The following FGD4 variants were observed in gnomAD, a reference collection of about 807,000 sequenced individuals.
FGD4 encodes the protein FYVE, RhoGEF and PH domain containing 4.
FGD4 carries 42 observed loss-of-function variants against 102.0 expected under a neutral mutation model. That is an observed-to-expected ratio of 0.41 (90% CI 0.32 to 0.53). The LOEUF (loss-of-function observed/expected upper bound fraction) is 0.53. FGD4 is among the 20% of genes least tolerant of loss of function. The pLI is 0.21. For synonymous variants in FGD4, 380 were observed against 375.7 expected (o/e 1.01, Z -0.13); for missense variants, 902 against 1,078.2 (o/e 0.84, Z 2.29).
rs1402094596 is a variant in FGD4, at chr12:32,544,688, C to T, written c.167-19449C>T. Among the ~76,000 whole-genome samples, 2 of 151,196 alleles carry T rather than the reference C, an allele frequency of 1.3e-5. No individual in the cohort carries two copies. The highest frequency in any genetic ancestry group is 4.9e-5 in the African/African-American group (2 of 41,068). ...TGGAGGTTGCAGTGAGTTGAGATCG[C>T]ACCATTGCACTCCAGCCTGGTGACA... On this transcript the variant is annotated intron_variant, in intron 1 of 16. Transcript: ENST00000534526. This position sits in a 1 kb window ranked among gnomAD's most constrained non-coding sequence, Gnocchi z 4.1.
At chr12:32,445,170 A>G (rs773780511) in intron 1 of FGD4, among the ~76,000 whole-genome samples, 1 of 152,232 alleles carries the variant, frequency 6.6e-6, no homozygotes, top group African/African-American at 2.4e-5. Flanking sequence ...TCTTGCCTTC[A>G]TAAGATTTGC....
chr12:32,639,730 C>G (rs1162833848), intron 16 of FGD4, among the ~76,000 whole-genome samples: 1 of 152,110 alleles, frequency 6.6e-6, no homozygotes, highest in African/African-American at 2.4e-5. Flanking sequence ...TGCATTTACT[C>G]TGAAATATAA....
intron 1 of FGD4, among the ~76,000 whole-genome samples, chr12:32,550,584 T>C (rs34759311): frequency 0.13 from 18,527 of 143,812 alleles, 1,600 homozygotes; most frequent in African/African-American, 0.25. Context: ...AGTGAGAGGA[T>C]CACTTGAGCC....
rs1027071901 is a variant in FGD4, at chr12:32,480,635, G to T, written c.166+80676G>T. On this transcript the variant is annotated intron_variant, in intron 1 of 16. Transcript: ENST00000534526. ...CCTGCCTCAGCCTTCCGAGTAGCTG[G>T]GATTACAGGCACGCACCACCATGGC... 2.0e-5 allele frequency among the ~76,000 whole-genome samples: 3 copies of T among 151,030 alleles called. No homozygotes were observed. The East Asian group carries it at 5.9e-4, about 30-fold the overall frequency.
chr12:32,497,448 T>C lies in FGD4; in HGVS notation c.167-66689T>C, dbSNP rs1038039517. The stretch of plus-strand genomic sequence containing the variant: ...AAAATTATTGGTAATATATAGAAAA[T>C]ATCTAAGGAGATACCACCTCTTTAT... On this transcript the variant is annotated intron_variant, in intron 1 of 16. Transcript: ENST00000534526. Among the ~76,000 whole-genome samples, 16 of 152,156 alleles carry C rather than the reference T, an allele frequency of 1.1e-4. No homozygotes were observed. The South Asian group carries it at 1.9e-3, about 18-fold the overall frequency.
chr12:32,483,215 T>G (rs1192660668), intron 1 of FGD4, among the ~76,000 whole-genome samples: 1 of 152,170 alleles, frequency 6.6e-6, no homozygotes, highest in Non-Finnish European at 1.5e-5. Context: ...CAAGCATGTG[T>G]GAGTAAATTG....
At chr12:32,490,220 C>T (rs988292746) in intron 1 of FGD4, among the ~76,000 whole-genome samples, 2 of 152,040 alleles carry the variant, frequency 1.3e-5, no homozygotes, top group African/African-American at 2.4e-5. Context: ...CTTTGTAATT[C>T]TACAGTTTTG....
At chr12:32,546,768 G>A (rs1400534285) in intron 1 of FGD4, among the ~76,000 whole-genome samples, 2 of 152,186 alleles carry the variant, frequency 1.3e-5, no homozygotes, top group African/African-American at 2.4e-5. Context: ...GCCTCGATTT[G>A]AGAAGCAAAT....
intron 1 of FGD4, among the ~76,000 whole-genome samples, chr12:32,489,442 T>C (rs1487128938): frequency 1.3e-5 from 2 of 152,258 alleles, no homozygotes; most frequent in Non-Finnish European, 1.5e-5. Flanking sequence ...ATGGGAATGA[T>C]CAAGCTGTGT....
intron 1 of FGD4, among the ~76,000 whole-genome samples, chr12:32,496,693 A>G (rs1937839729): frequency 6.6e-6 from 1 of 152,210 alleles, no homozygotes; most frequent in South Asian, 2.1e-4. Flanking sequence ...GTCCTTGTAG[A>G]GTCTTCACTT....
chr12:32,602,423 C>G (rs932538679), intron 7 of FGD4, 106 bp downstream of exon 7: 1 of 1,325,792 alleles, frequency 7.5e-7, no homozygotes, highest in African/African-American at 1.5e-5. Context: ...AGATACCTAG[C>G]CAAAATTCAT....
At chr12:32,624,880 A>G (rs1318980838) in intron 12 of FGD4, 96 bp from the exon 13 acceptor site, 8 of 1,074,212 alleles carry the variant, frequency 7.4e-6, no homozygotes, top group Non-Finnish European at 1.1e-5. Context: ...TTAATTTTCA[A>G]AGTGATTCCT....
At chr12:32,487,521 C>T (rs1261563221) in intron 1 of FGD4, among the ~76,000 whole-genome samples, 1 of 149,986 alleles carries the variant, frequency 6.7e-6, no homozygotes, top group East Asian at 2.0e-4. Flanking sequence ...GCAACCTCTG[C>T]CTCCTGGATT....
chr12:32,524,414 AAAG>A (rs777254590), intron 1 of FGD4, among the ~76,000 whole-genome samples: 2,972 of 151,232 alleles, frequency 0.02, 66 homozygotes, highest in South Asian at 0.072. Context: ...AAAAAAAAAA[AAAG>A]ATAAATTACC....
intron 1 of FGD4, among the ~76,000 whole-genome samples, chr12:32,410,936 T>TTC (rs1941181580): frequency 6.7e-6 from 1 of 148,896 alleles, no homozygotes; most frequent in African/African-American, 2.5e-5. Context: ...TTTTTCTTTT[T>TTC]TTTTTTTTTT....
intron 1 of FGD4, among the ~76,000 whole-genome samples, chr12:32,539,587 A>T (rs1414331024): frequency 1.3e-5 from 2 of 152,092 alleles, no homozygotes; most frequent in African/African-American, 4.8e-5. Context: ...AAAAAAAAAA[A>T]AGCCAGTACA....
intron 8 of FGD4, among the ~76,000 whole-genome samples, chr12:32,610,539 T>TGAA: frequency 6.6e-6 from 1 of 152,298 alleles, no homozygotes; most frequent in East Asian, 1.9e-4. Flanking sequence ...TCATTGGGGA[T>TGAA]TAATTAAACC....
At chr12:32,589,383 C>T (rs962940733) in intron 4 of FGD4, among the ~76,000 whole-genome samples, 1 of 152,162 alleles carries the variant, frequency 6.6e-6, no homozygotes, top group African/African-American at 2.4e-5. Flanking sequence ...TATTTTGTTT[C>T]TCCTGCCTGA....
Position 32,611,247 on chromosome 12 carries a change from T to G in FGD4, c.1713T>G (p.Ala571=). 6.2e-7 allele frequency: 1 copy of G among 1,614,086 alleles called. No individual in the cohort carries two copies. Among genetic ancestry groups the G allele is most frequent in the East Asian group, 2.2e-5 (1 of 44,892 alleles). The change falls in exon 10 of 17, where the codon GCT becomes GCG. Residue 571 remains alanine, a synonymous_variant. Coordinates refer to ENST00000534526, the MANE Select transcript of FGD4 (RefSeq NM_001370298.3). ...IKEGQILKLA[A]RNTSAQERYL... ...AAGGACAGATCCTCAAACTAGCTGC[T>G]CGGAACACTTCAGCACAAGAACGCT...
Sources: allele counts gnomAD v4.1 joint callset (sites outside exome capture counted in the v4.1 genomes callset), GRCh38; gene constraint gnomAD v4.1.1; non-coding constraint Gnocchi (gnomAD v3.1); transcripts MANE v1.5; gene names NCBI Gene and HGNC (gene_info 2026-07-23, HGNC 2026-07-21).